Variants in SUCLG2 observed in about 807,000 individuals in gnomAD.
SUCLG2 encodes succinate--CoA ligase [GDP-forming] subunit beta, mitochondrial.
SUCLG2 carries 42 observed loss-of-function variants against 47.9 expected under a neutral mutation model. That is an observed-to-expected ratio of 0.88 (90% CI 0.69 to 1.14). The LOEUF is 1.14. SUCLG2 is among the 50% of genes most tolerant of loss of function. The pLI is 0.00. For missense variants in SUCLG2, 571 were observed against 525.9 expected (o/e 1.09, Z -0.84); for synonymous variants, 195 against 197.3 (o/e 0.99, Z 0.10).
chr3:67,478,135 A>G (rs1704815543), intron 9 of SUCLG2, among the ~76,000 whole-genome samples: 1 of 152,180 alleles, frequency 6.6e-6, no homozygotes, highest in African/African-American at 2.4e-5. Flanking sequence ...TTCTCTTATC[A>G]GCTAGCTCAA....
chr3:67,519,195 C>T (rs1706030639), intron 5 of SUCLG2, among the ~76,000 whole-genome samples: 2 of 152,174 alleles, frequency 1.3e-5, no homozygotes, highest in Non-Finnish European at 2.9e-5. Context: ...GTTAGGTCAA[C>T]TGGCATGTAT....
chr3:67,435,279 A>G (rs1466247221), intron 9 of SUCLG2, among the ~76,000 whole-genome samples: 2 of 152,182 alleles, frequency 1.3e-5, no homozygotes, highest in Non-Finnish European at 2.9e-5. Context: ...CTTTTGAACA[A>G]AACATAGGAA....
At chr3:67,613,188 A>G (rs1181250163) in intron 1 of SUCLG2, among the ~76,000 whole-genome samples, 1 of 152,168 alleles carries the variant, frequency 6.6e-6, no homozygotes, top group Non-Finnish European at 1.5e-5. Context: ...TCTCTTCCCC[A>G]GAGACTGGGA....
intron 2 of SUCLG2, among the ~76,000 whole-genome samples, chr3:67,585,992 C>CAAAAAA (rs1491229038): frequency 1.5e-5 from 1 of 66,720 alleles, no homozygotes; most frequent in African/African-American, 5.7e-5. Context: ...AAAAAAAAAA[C>CAAAAAA]CAAACCCACA....
intron 7 of SUCLG2, among the ~76,000 whole-genome samples, chr3:67,507,862 T>C (rs1316536653): frequency 6.6e-6 from 1 of 152,232 alleles, no homozygotes; most frequent in Non-Finnish European, 1.5e-5. Flanking sequence ...AGGTTCATGG[T>C]GCTTACAGTC....
chr3:67,596,452 T>A (rs150217691), intron 2 of SUCLG2, among the ~76,000 whole-genome samples: 1 of 152,340 alleles, frequency 6.6e-6, no homozygotes, highest in East Asian at 1.9e-4. Context: ...TATTTAATAA[T>A]GAGTCAGAAA....
At chr3:67,393,167 G>A (rs187249917) in intron 10 of SUCLG2, among the ~76,000 whole-genome samples, 6 of 152,332 alleles carry the variant, frequency 3.9e-5, no homozygotes, top group South Asian at 2.1e-4. Context: ...CAGACAGTGG[G>A]CGCAGGACAG....
chr3:67,551,447 C>T (rs1707011887), intron 2 of SUCLG2, among the ~76,000 whole-genome samples: 1 of 152,158 alleles, frequency 6.6e-6, no homozygotes, highest in African/African-American at 2.4e-5. Context: ...CCTTGGAAAT[C>T]CACCACATTT....
intron 2 of SUCLG2, among the ~76,000 whole-genome samples, chr3:67,580,710 T>C (rs567045317): frequency 4.4e-4 from 67 of 152,340 alleles, no homozygotes; most frequent in African/African-American, 1.6e-3. Context: ...CTGTTTCATC[T>C]TCCAAAATCA....
intron 7 of SUCLG2, 141 bp downstream of exon 7, chr3:67,508,666 G>A: frequency 3.0e-6 from 2 of 661,576 alleles, no homozygotes; most frequent in Non-Finnish European, 5.1e-6. Context: ...TGCATCATGG[G>A]AGCATTTCAA....
At chr3:67,373,294 A>T (rs74571296), downstream of SUCLG2, among the ~76,000 whole-genome samples, 1 of 151,846 alleles carries the variant, frequency 6.6e-6, no homozygotes, top group East Asian at 1.9e-4. Context: ...GAAAACTGAG[A>T]GGAAGAGACA....
intron 2 of SUCLG2, among the ~76,000 whole-genome samples, chr3:67,554,418 A>G (rs1707102212): frequency 6.6e-6 from 1 of 152,162 alleles, no homozygotes; most frequent in Non-Finnish European, 1.5e-5. Flanking sequence ...CTCAGCTGTA[A>G]TTCTTACAAA....
chr3:67,401,997 C>T (rs546897263), intron 9 of SUCLG2, among the ~76,000 whole-genome samples: 4 of 152,274 alleles, frequency 2.6e-5, no homozygotes, highest in South Asian at 2.1e-4. Context: ...AGAAAGCCAT[C>T]GGGCGCATTG....
At chr3:67,541,253 C>G (rs1322702395) in intron 2 of SUCLG2, among the ~76,000 whole-genome samples, 1 of 152,124 alleles carries the variant, frequency 6.6e-6, no homozygotes. Context: ...TATTAACAAA[C>G]TCCTCTGAAC....
At chr3:67,608,526 CA>C (rs1344288786) in intron 2 of SUCLG2, among the ~76,000 whole-genome samples, 2 of 152,166 alleles carry the variant, frequency 1.3e-5, no homozygotes, top group African/African-American at 4.8e-5. Flanking sequence ...TCCCTGCACA[CA>C]TTATTGAACG....
intron 2 of SUCLG2, among the ~76,000 whole-genome samples, chr3:67,567,906 A>G (rs571303927): frequency 4.5e-4 from 69 of 152,328 alleles, no homozygotes; most frequent in Middle Eastern, 3.4e-3. Context: ...TGACTCTAAA[A>G]ACAGACAGAG....
chr3:67,611,622 C>T (rs1024933749), intron 1 of SUCLG2, among the ~76,000 whole-genome samples: 3 of 151,998 alleles, frequency 2.0e-5, no homozygotes, highest in Non-Finnish European at 4.4e-5. Flanking sequence ...ATTATGTCTA[C>T]GTTGACATAA....
chr3:67,408,968 C>G (rs1177756191), intron 9 of SUCLG2: 2 of 1,535,136 alleles, frequency 1.3e-6, no homozygotes, highest in Non-Finnish European at 1.7e-6. Context: ...TATTTCCAAG[C>G]TTCAAGAACG....
At chr3:67,644,358 C>T (rs6778266) in intron 1 of SUCLG2, among the ~76,000 whole-genome samples, 51,211 of 151,780 alleles carry the variant, frequency 0.34, 8,835 homozygotes, top group Non-Finnish European at 0.36. Context: ...AGACATTATG[C>T]TAAATGAAAT....
Sources: gnomAD v4.1 joint callset for allele counts (sites outside exome capture counted in the v4.1 genomes callset) on GRCh38, gnomAD v4.1.1 for gene constraint, MANE v1.5 for transcripts, NCBI Gene and HGNC (gene_info 2026-07-23, HGNC 2026-07-21) for gene names.